Variants in ZC3H12B observed in about 807,000 individuals in gnomAD.
ZC3H12B encodes zinc finger CCCH-type containing 12B.
In ZC3H12B, 7 loss-of-function variants were observed where a neutral mutation model predicts 43.9. The observed-to-expected ratio is 0.16, with a 90% CI of 0.09 to 0.30. ZC3H12B has a LOEUF of 0.30. ZC3H12B is among the 10% of genes least tolerant of loss of function. ZC3H12B has a pLI of 1.00. For missense variants in ZC3H12B, 475 were observed against 670.2 expected (o/e 0.71, Z 3.22); for synonymous variants, 222 against 241.7 (o/e 0.92, Z 0.76).
the ZC3H12B span, among the ~76,000 whole-genome samples, chrX:65,178,558 A>T: frequency 8.9e-6 from 1 of 112,403 alleles, no homozygotes; most frequent in Non-Finnish European, 1.9e-5. Context: ...AACTTAAACA[A>T]ATTTAGAAGA....
the ZC3H12B span, among the ~76,000 whole-genome samples, chrX:65,135,337 T>C: frequency 9.1e-6 from 1 of 110,321 alleles, no homozygotes; most frequent in Non-Finnish European, 1.9e-5. Context: ...CTCATATTTT[T>C]TGTTACTAGG....
the ZC3H12B span, among the ~76,000 whole-genome samples, chrX:65,212,694 A>T: frequency 1.1e-5 from 1 of 91,902 alleles, no homozygotes; most frequent in African/African-American, 4.0e-5. Flanking sequence ...TCATATATAA[A>T]TATATATGAT....
intron 3 of ZC3H12B, among the ~76,000 whole-genome samples, chrX:65,435,364 G>A (rs2067207176): frequency 9.0e-6 from 1 of 111,486 alleles, no homozygotes; most frequent in South Asian, 3.8e-4. Flanking sequence ...CATATACAGA[G>A]TCACTAAGTT....
chrX:65,358,692 A>G, the ZC3H12B span, among the ~76,000 whole-genome samples: 1 of 111,745 alleles, frequency 8.9e-6, no homozygotes, highest in Admixed American at 9.5e-5. Flanking sequence ...CAGTGTGTAG[A>G]GGGAAACTTA....
chrX:65,075,728 GCA>G, the ZC3H12B span, among the ~76,000 whole-genome samples: 1 of 111,677 alleles, frequency 9.0e-6, no homozygotes, highest in East Asian at 2.8e-4. Flanking sequence ...CTTCAACCTA[GCA>G]CACTTTTTCA....
the ZC3H12B span, among the ~76,000 whole-genome samples, chrX:65,354,078 G>C: frequency 2.3e-3 from 257 of 111,909 alleles, 2 homozygotes; most frequent in African/African-American, 7.7e-3. Context: ...GCTTTGAAGG[G>C]AGAGCACCAG....
chrX:65,460,192 C>A (rs1437715401), intron 3 of ZC3H12B, among the ~76,000 whole-genome samples: 8 of 111,500 alleles, frequency 7.2e-5, no homozygotes, highest in Non-Finnish European at 1.5e-4. Context: ...TAAATCACTG[C>A]TCAACAAAAT....
At chrX:65,196,263 G>A in the ZC3H12B span, among the ~76,000 whole-genome samples, 1 of 109,532 alleles carries the variant, frequency 9.1e-6, no homozygotes, top group South Asian at 4.0e-4. Flanking sequence ...GGAAGTGTGA[G>A]GACCGCCCTC....
the ZC3H12B span, among the ~76,000 whole-genome samples, chrX:65,248,619 T>C: frequency 8.9e-6 from 1 of 111,929 alleles, no homozygotes; most frequent in African/African-American, 3.2e-5. Flanking sequence ...AACTATCAAA[T>C]AGTAGTTCTA....
At chrX:65,238,964 A>G in the ZC3H12B span, among the ~76,000 whole-genome samples, 2 of 111,797 alleles carry the variant, frequency 1.8e-5, no homozygotes, top group Non-Finnish European at 3.8e-5. Context: ...TTATGATGTC[A>G]GGGGTTTTTT....
At chrX:65,105,508 A>G in the ZC3H12B span, among the ~76,000 whole-genome samples, 2 of 111,711 alleles carry the variant, frequency 1.8e-5, no homozygotes, top group South Asian at 3.8e-4. Context: ...GAATAAAACT[A>G]GAAGACCATC....
At chrX:65,190,553 T>A in the ZC3H12B span, among the ~76,000 whole-genome samples, 2 of 106,371 alleles carry the variant, frequency 1.9e-5, no homozygotes. Flanking sequence ...TTATTCTCTT[T>A]GAAGCAATTG....
At chrX:65,403,247 C>T (rs760854262) in intron 3 of ZC3H12B, among the ~76,000 whole-genome samples, 21 of 111,443 alleles carry the variant, frequency 1.9e-4, no homozygotes, top group Admixed American at 1.1e-3. Flanking sequence ...GTGAGCTTGA[C>T]GACAGACTAT....
the ZC3H12B span, among the ~76,000 whole-genome samples, chrX:65,192,409 G>A: frequency 9.0e-6 from 1 of 111,435 alleles, no homozygotes; most frequent in African/African-American, 3.3e-5. Context: ...GTGGTGTTAA[G>A]TGGGAATCTT....
rs2066361132 is a variant in ZC3H12B, at chrX:65,377,341, G to C, written n.295+8343G>C. Among the ~76,000 whole-genome samples the C allele has an allele frequency of 3.6e-5, 4 of 110,431 alleles. No individual in the cohort carries two copies. In the South Asian group the frequency reaches 1.5e-3, roughly 42 times the overall value. On this transcript the variant is annotated intron_variant and non_coding_transcript_variant, in intron 2 of 5. Coordinates refer to the ZC3H12B transcript ENST00000617377. ...GGAGGTAGAGAAAGAGATATGATTA[G>C]AGAGATTATTTAAAAGAATAATAAC... is the stretch of plus-strand genomic sequence containing the variant.
At chrX:65,062,340 G>C in the ZC3H12B span, among the ~76,000 whole-genome samples, 12 of 112,080 alleles carry the variant, frequency 1.1e-4, no homozygotes, top group East Asian at 3.4e-3. Flanking sequence ...TTTTGTTTAA[G>C]GTGTAAGGAA....
At chrX:65,459,877 G>A (rs1185817738) in intron 3 of ZC3H12B, among the ~76,000 whole-genome samples, 1 of 111,322 alleles carries the variant, frequency 9.0e-6, no homozygotes, top group African/African-American at 3.3e-5. Context: ...GCAGGAGAAG[G>A]AAATAAAGGG....
chrX:65,481,740 G>A (rs1269425422), intron 3 of ZC3H12B, among the ~76,000 whole-genome samples: 1 of 112,184 alleles, frequency 8.9e-6, no homozygotes, highest in Non-Finnish European at 1.9e-5. Context: ...TACTCCTGCA[G>A]CTGAGATAAA....
chrX:65,274,744 C>T, the ZC3H12B span, among the ~76,000 whole-genome samples: 1 of 110,969 alleles, frequency 9.0e-6, no homozygotes, highest in Non-Finnish European at 1.9e-5. Flanking sequence ...CTCAGACACA[C>T]TCCTATCCTG....
Sources: gnomAD v4.1 joint callset for allele counts (sites outside exome capture counted in the v4.1 genomes callset) on GRCh38, gnomAD v4.1.1 for gene constraint, MANE v1.5 for transcripts, NCBI Gene and HGNC (gene_info 2026-07-23, HGNC 2026-07-21) for gene names.